Variants in ATOX1 observed in about 807,000 individuals in gnomAD.
The protein encoded by ATOX1 is antioxidant 1 copper chaperone.
In ATOX1, 4 loss-of-function variants were observed where a neutral mutation model predicts 7.3. The observed-to-expected ratio is 0.55, with a 90% CI of 0.27 to 1.25. ATOX1 has a LOEUF of 1.25. ATOX1 is among the 50% of genes most tolerant of loss of function. The probability of loss-of-function intolerance (pLI) is 0.12; values close to 1 mark genes in which losing one functional copy is unlikely to be tolerated. For synonymous variants in ATOX1, 25 were observed against 28.7 expected (o/e 0.87, Z 0.41); for missense variants, 68 against 81.6 (o/e 0.83, Z 0.64).
At chr5:151,754,811 C>T (rs1053356732) in intron 1 of ATOX1, among the ~76,000 whole-genome samples, 3 of 151,636 alleles carry the variant, frequency 2.0e-5, no homozygotes, top group Admixed American at 2.0e-4. Flanking sequence ...TGGTGAAACC[C>T]CATCTCTACT....
chr5:151,748,269 G>C (rs947574811), intron 2 of ATOX1, among the ~76,000 whole-genome samples: 2 of 152,200 alleles, frequency 1.3e-5, no homozygotes, highest in Non-Finnish European at 2.9e-5. Flanking sequence ...CCTCACCATT[G>C]ACTTGCTGGG....
rs1312644486 is a variant in ATOX1 at position 151,752,378 on chromosome 5, C to T, written c.7-599G>A. On this transcript the variant is annotated intron_variant, in intron 1 of 3. Transcript: ENST00000313115. ...AGGGAAAGAAAGGATTGCCTGGGTT[C>T]CCCAGTGGGTTGGAGGCCAGGCAGG... 1.4e-5 allele frequency: 10 copies of T among 701,444 alleles called. No individual in the cohort carries two copies. The Admixed American group carries it at 2.0e-4, about 14-fold the overall frequency. 43.5% of individuals were successfully genotyped at this position (701,444 alleles called of 1,614,324 possible).
chr5:151,754,650 C>T (rs908258476), intron 1 of ATOX1, among the ~76,000 whole-genome samples: 1 of 151,968 alleles, frequency 6.6e-6, no homozygotes, highest in Admixed American at 6.6e-5. Flanking sequence ...TGGATTGGCA[C>T]ACTACAAACT....
At chr5:151,749,901 T>C (rs1761926258) in intron 2 of ATOX1, among the ~76,000 whole-genome samples, 1 of 152,100 alleles carries the variant, frequency 6.6e-6, no homozygotes, top group African/African-American at 2.4e-5. Context: ...TACGGGCAAG[T>C]CACTTAACCT....
chr5:151,758,485 T>C (rs766024029), intron 1 of ATOX1, 61 bp downstream of exon 1: 1 of 1,470,418 alleles, frequency 6.8e-7, no homozygotes, highest in Non-Finnish European at 9.0e-7. Context: ...CAAGCGGCTG[T>C]GCAGCCGAGA....
intron 2 of ATOX1, among the ~76,000 whole-genome samples, chr5:151,749,125 GC>G (rs1227543860): frequency 1.3e-5 from 2 of 152,066 alleles, no homozygotes; most frequent in Non-Finnish European, 2.9e-5. Context: ...ACGAAATTAG[GC>G]CCATCCCCAC....
In ATOX1 at chr5:151,751,686, T is replaced by C. The variant is rs1217021432; in HGVS notation, c.82+18A>G. The C allele has an allele frequency of 1.9e-6, 3 of 1,594,886 alleles. No individual in the cohort carries two copies. Among genetic ancestry groups the C allele is most frequent in the Non-Finnish European group, 2.6e-6 (3 of 1,170,748 alleles). On this transcript the variant is annotated intron_variant, in intron 2 of 3. Coordinates refer to ENST00000313115, the MANE Select transcript of ATOX1 (RefSeq NM_004045.4). ...TGAACATGGCATAAGTGCACCCAAC[T>C]CAGGGCCACTCACTCACCTCCAAGC...
intron 1 of ATOX1, among the ~76,000 whole-genome samples, chr5:151,755,032 C>T (rs765161877): frequency 6.9e-4 from 99 of 143,928 alleles, no homozygotes; most frequent in Admixed American, 1.6e-3. Flanking sequence ...TACAGCCAAA[C>T]TCATTTGTTT....
At chr5:151,753,194 G>C (rs147807787) in intron 1 of ATOX1, among the ~76,000 whole-genome samples, 1 of 152,348 alleles carries the variant, frequency 6.6e-6, no homozygotes, top group East Asian at 1.9e-4. Context: ...TCCAGCTCCA[G>C]TCAAGCCTTC....
intron 1 of ATOX1, among the ~76,000 whole-genome samples, chr5:151,752,932 A>G (rs1761969657): frequency 1.3e-5 from 2 of 152,034 alleles, no homozygotes. Flanking sequence ...CCCATTCCAC[A>G]TGTCTCGGGT....
intron 2 of ATOX1, among the ~76,000 whole-genome samples, chr5:151,749,060 T>C (rs1761911613): frequency 6.6e-6 from 1 of 152,126 alleles, no homozygotes; most frequent in Non-Finnish European, 1.5e-5. Context: ...ACCGCGCCAC[T>C]GCACTCCAGC....
chr5:151,758,503 C>A, intron 1 of ATOX1, 43 bp downstream of exon 1: 1 of 1,483,098 alleles, frequency 6.7e-7, no homozygotes. Context: ...AGAAGCAACC[C>A]GGGACTGCAA....
chr5:151,751,973 C>T (rs1761956760), intron 1 of ATOX1, 194 bp from the exon 2 acceptor site: 2 of 606,534 alleles, frequency 3.3e-6, no homozygotes, highest in Admixed American at 3.0e-5. Flanking sequence ...TTCTACCTCA[C>T]AAGTTGTATT....
chr5:151,751,945 T>C, intron 1 of ATOX1, 166 bp from the exon 2 acceptor site: 1 of 634,756 alleles, frequency 1.6e-6, no homozygotes, highest in East Asian at 2.7e-5. Flanking sequence ...TCTCTTCAAC[T>C]ATAGAGTAGC....
chr5:151,746,523 C>T (rs1040326995), intron 2 of ATOX1, 74 bp from the exon 3 acceptor site: 6 of 1,583,650 alleles, frequency 3.8e-6, no homozygotes, highest in Non-Finnish European at 3.5e-6. Flanking sequence ...AGAGTTCAGG[C>T]TCTAAATTAC....
chr5:151,757,308 C>A (rs966164837), intron 1 of ATOX1, among the ~76,000 whole-genome samples: 3 of 152,158 alleles, frequency 2.0e-5, no homozygotes, highest in African/African-American at 4.8e-5. Context: ...TGCCACCCCC[C>A]ACAAAAAATC....
chr5:151,752,219 G>C, intron 1 of ATOX1: 1 of 702,492 alleles, frequency 1.4e-6, no homozygotes. Flanking sequence ...CTGCACTAGA[G>C]TCACCTACAG....
rs1310861415 is a variant in ATOX1 at position 151,751,903 on chromosome 5, T to C, written c.7-124A>G. The C allele has an allele frequency of 4.8e-5, 40 of 836,084 alleles. 1 individual carries two copies. The highest frequency in any genetic ancestry group is 7.2e-5 in the Non-Finnish European group (38 of 528,240). 51.8% of individuals were successfully genotyped at this position (836,084 alleles called of 1,614,324 possible). On this transcript the variant is annotated intron_variant, in intron 1 of 3. Transcript: ENST00000313115. ...GAGACTGGGCAGGACCTGGTTGGCA[T>C]CAGACTCATCAGAAGCCTGTTTCTG...
intron 1 of ATOX1, among the ~76,000 whole-genome samples, chr5:151,756,266 G>A (rs889985857): frequency 1.1e-4 from 16 of 151,788 alleles, no homozygotes; most frequent in African/African-American, 3.6e-4. Context: ...CTTGACAGAT[G>A]AGGAAACTGA....
Sources: gnomAD v4.1 joint callset for allele counts (sites outside exome capture counted in the v4.1 genomes callset) on GRCh38, gnomAD v4.1.1 for gene constraint, MANE v1.5 for transcripts, NCBI Gene and HGNC (gene_info 2026-07-23, HGNC 2026-07-21) for gene names.